POLA2: variants seen among roughly 807,000 people sequenced by gnomAD.
POLA2 encodes DNA polymerase alpha 2, accessory subunit, also known as DNA polymerase alpha subunit B.
A neutral mutation model predicts 82.8 loss-of-function variants in POLA2; 47 were observed. The ratio of observed to expected loss-of-function variants is 0.57; its 90% CI spans 0.45 to 0.72. The LOEUF is 0.72. Among genes scored for constraint, POLA2 ranks in the 30% least tolerant of loss-of-function variants. The pLI, the probability that POLA2 is intolerant of heterozygous loss-of-function variation, is 0.00. For missense variants in POLA2, 634 were observed against 728.1 expected (o/e 0.87, Z 1.49); for synonymous variants, 287 against 286.8 (o/e 1.00, Z -0.01).
chr11:65,283,994 C>T (rs1244039567), intron 10 of POLA2, among the ~76,000 whole-genome samples: 2 of 151,106 alleles, frequency 1.3e-5, no homozygotes, highest in African/African-American at 4.9e-5. Context: ...ATTAGCTCGG[C>T]ATGGTGGCAT....
At chr11:65,281,212 GC>G in intron 8 of POLA2, 65 bp downstream of exon 8, 7 of 1,517,862 alleles carry the variant, frequency 4.6e-6, no homozygotes, top group Non-Finnish European at 6.3e-6. Flanking sequence ...TAGGTGCTGT[GC>G]CATGCGCAGC....
At chr11:65,285,474 G>A (rs1240689778) in intron 10 of POLA2, among the ~76,000 whole-genome samples, 1 of 151,466 alleles carries the variant, frequency 6.6e-6, no homozygotes, top group African/African-American at 2.4e-5. Context: ...AGGCTAAGGT[G>A]GGAGGATCAC....
chr11:65,286,094 A>G (rs532499331), intron 10 of POLA2, among the ~76,000 whole-genome samples: 5 of 152,348 alleles, frequency 3.3e-5, no homozygotes, highest in East Asian at 1.9e-4. Context: ...TGGGTCCACT[A>G]TAATCACAAG....
chr11:65,302,976 G>T (rs1410693971), downstream of POLA2, among the ~76,000 whole-genome samples: 1 of 152,092 alleles, frequency 6.6e-6, no homozygotes, highest in Non-Finnish European at 1.5e-5. Flanking sequence ...CTCCCAAATT[G>T]TTGGGACTAC....
Position 65,280,987 on chromosome 11 carries a change from G to T in POLA2, c.745-5G>T, listed in dbSNP as rs1326575969. ...CATTCTTATGCTGTGACCTTCCTTT[G>T]GTAGGAGCCTGTCACTCTGCTGGGC... On this transcript the variant is annotated splice_polypyrimidine_tract_variant and splice_region_variant and intron_variant, in intron 7 of 17. Transcript: ENST00000265465. 1 of 1,613,166 alleles carries T rather than the reference G, an allele frequency of 6.2e-7. No homozygotes were observed. Among genetic ancestry groups the T allele is most frequent in the African/African-American group, 1.3e-5 (1 of 74,896 alleles).
rs541941069 is a variant in POLA2, at chr11:65,262,554, G to A, written c.79+183G>A. On this transcript the variant is annotated intron_variant, in intron 1 of 17. Coordinates refer to ENST00000265465, the MANE Select transcript of POLA2 (RefSeq NM_002689.4). The stretch of plus-strand genomic sequence containing the variant: ...ATTTAGGATGTGGGGACTTTGAAAT[G>A]CCCACCGGGTACCGCTTGGATGCCA... Among the ~76,000 whole-genome samples, 101 of 152,226 alleles carry A rather than the reference G, an allele frequency of 6.6e-4. 1 individual carries two copies. In the South Asian group the frequency reaches 0.021, roughly 31 times the overall value.
chr11:65,263,741 C>T (rs943787874), intron 1 of POLA2, among the ~76,000 whole-genome samples: 4 of 151,592 alleles, frequency 2.6e-5, no homozygotes, highest in African/African-American at 9.7e-5. Flanking sequence ...GCGGAAGAAT[C>T]GCTTGAACAT....
In POLA2 at chr11:65,278,826, A is replaced by G. The variant is rs1464304856; in HGVS notation, c.558A>G (p.Gly186=). Residue 186 remains glycine, a synonymous_variant, in exon 6 of 18, where the codon GGA becomes GGG. Coordinates refer to ENST00000265465, the MANE Select transcript of POLA2 (RefSeq NM_002689.4). ...AGGGAGTATCTTGGTCTGGGAGAGG[A>G]GGAGCTGGAAACATCAGCCTGAAGG... ...LAQGVSWSGR[G]GAGNISLKVL... is the part of the protein sequence containing the mutation. 6.2e-7 allele frequency: 1 copy of G among 1,613,798 alleles called. No homozygotes were observed. Among genetic ancestry groups the G allele is most frequent in the Admixed American group, 1.7e-5 (1 of 60,016 alleles).
intron 1 of POLA2, among the ~76,000 whole-genome samples, chr11:65,264,995 C>T (rs1347788538): frequency 6.6e-6 from 1 of 152,184 alleles, no homozygotes; most frequent in Non-Finnish European, 1.5e-5. Flanking sequence ...CTTTGGGAGG[C>T]GGAGGAGGGC....
Position 65,297,169 on chromosome 11 carries a change from A to G in POLA2, c.1697A>G (p.Gln566Arg). The G allele has an allele frequency of 6.2e-7, 1 of 1,613,506 alleles. No homozygotes were observed. Among genetic ancestry groups the G allele is most frequent in the Non-Finnish European group, 8.5e-7 (1 of 1,179,466 alleles). Residue 566 changes from glutamine (Q) to arginine (R), a missense_variant, in exon 18 of 18, where the codon CAG becomes CGG. Gln to Arg is a conservative substitution (Grantham distance 43, BLOSUM62 1). Coordinates refer to ENST00000265465, the MANE Select transcript of POLA2 (RefSeq NM_002689.4). ...AACCCTGGGCGCCTTACCAAAGGGC[A>G]GGTGGGAGGCACCTTCGCCCGACTC... ...CVNPGRLTKG[Q>R]VGGTFARLYL...
At chr11:65,287,216 C>A (rs1299219440) in intron 10 of POLA2, among the ~76,000 whole-genome samples, 2 of 152,076 alleles carry the variant, frequency 1.3e-5, no homozygotes, top group Non-Finnish European at 2.9e-5. Context: ...TGATGGGTGG[C>A]CCCTGCACCC....
chr11:65,301,299 C>T (rs1244950669), downstream of POLA2, among the ~76,000 whole-genome samples: 1 of 152,154 alleles, frequency 6.6e-6, no homozygotes, highest in Non-Finnish European at 1.5e-5. Context: ...CTTTCTGCCC[C>T]AGAGAATCTT....
chr11:65,296,035 C>CTGGTG, intron 17 of POLA2, 45 bp downstream of exon 17: 2 of 1,612,052 alleles, frequency 1.2e-6, no homozygotes, highest in Non-Finnish European at 1.7e-6. Context: ...AGAACCCAGT[C>CTGGTG]TTTGACTTTC....
chr11:65,274,652 C>T (rs1177732463), intron 4 of POLA2, among the ~76,000 whole-genome samples: 13 of 147,894 alleles, frequency 8.8e-5, no homozygotes, highest in South Asian at 4.2e-4. Context: ...TGTGCCCCAG[C>T]GTGGGTGACA....
At chr11:65,287,566 A>T in intron 10 of POLA2, 150 bp from the exon 11 acceptor site, 1 of 582,208 alleles carries the variant, frequency 1.7e-6, no homozygotes, top group Non-Finnish European at 3.0e-6. Context: ...GAGGGTGGAC[A>T]TGAGGTCTTC....
intron 8 of POLA2, 58 bp downstream of exon 8, chr11:65,281,205 G>T (rs1949637713): frequency 6.4e-7 from 1 of 1,561,008 alleles, no homozygotes; most frequent in African/African-American, 1.4e-5. Context: ...TGTAGTGTAG[G>T]TGCTGTGCCA....
intron 1 of POLA2, among the ~76,000 whole-genome samples, chr11:65,263,116 C>T (rs963169043): frequency 1.3e-5 from 2 of 151,776 alleles, no homozygotes; most frequent in Non-Finnish European, 2.9e-5. Context: ...ACACTTTGAA[C>T]TTCTTATATA....
intron 2 of POLA2, 41 bp downstream of exon 2, chr11:65,266,747 A>C: frequency 1.2e-6 from 2 of 1,608,582 alleles, no homozygotes; most frequent in South Asian, 1.1e-5. Flanking sequence ...GTGATTCTCC[A>C]TTTCTGCTCT....
At chr11:65,304,518 T>C (rs1017167199) in intron 8 of POLA2, among the ~76,000 whole-genome samples, 1 of 150,946 alleles carries the variant, frequency 6.6e-6, no homozygotes, top group Non-Finnish European at 1.5e-5. Flanking sequence ...GGACTGGCTA[T>C]GATCCAATGG....
Sources: gnomAD v4.1 joint callset for allele counts (sites outside exome capture counted in the v4.1 genomes callset) on GRCh38, gnomAD v4.1.1 for gene constraint, MANE v1.5 for transcripts, NCBI Gene and HGNC (gene_info 2026-07-23, HGNC 2026-07-21) for gene names.